The following HMCES variants were observed in gnomAD, a reference collection of about 807,000 sequenced individuals.
HMCES encodes 5-hydroxymethylcytosine binding, ES cell specific, also known as abasic site processing protein HMCES.
In HMCES, 27 loss-of-function variants were observed where a neutral mutation model predicts 35.1. The ratio of observed to expected loss-of-function variants is 0.77; its 90% CI spans 0.57 to 1.06. The LOEUF is 1.06. HMCES is among the 50% of genes least tolerant of loss of function. The pLI is 0.00. For missense variants in HMCES, 391 were observed against 430.4 expected (o/e 0.91, Z 0.81); for synonymous variants, 130 against 154.7 (o/e 0.84, Z 1.18).
chr3:129,286,937 C>T (rs569596390), intron 2 of HMCES, among the ~76,000 whole-genome samples: 27 of 152,280 alleles, frequency 1.8e-4, no homozygotes, highest in African/African-American at 6.0e-4. Flanking sequence ...GTTTGACAAC[C>T]ATGCGTTGGG....
Position 129,279,939 on chromosome 3 carries a change from GC to G in HMCES, c.183+28del, listed in dbSNP as rs763405338. On this transcript the variant is annotated intron_variant, in intron 2 of 6. Coordinates refer to ENST00000383463, the MANE Select transcript of HMCES (RefSeq NM_020187.3). This position sits in a 1 kb window ranked among gnomAD's most constrained non-coding sequence, Gnocchi z 4.2. The stretch of plus-strand genomic sequence containing the variant: ...AGGTAACCAGCATTGCACTATGCTA[GC>G]CCCTCGCCCAGCCTCGTGATGGTCA... 4 of 1,520,858 alleles carry G rather than the reference GC, an allele frequency of 2.6e-6. No individual in the cohort carries two copies. The African/African-American group carries it at 5.6e-5, about 21-fold the overall frequency. 94.2% of individuals were successfully genotyped at this position (1,520,858 alleles called of 1,614,324 possible). A position where few individuals can be genotyped will look rare whatever the true frequency, so the allele number is the denominator to read the frequency against.
chr3:129,304,495 T>C, intron 6 of HMCES, 94 bp from the exon 7 acceptor site: 1 of 1,032,310 alleles, frequency 9.7e-7, no homozygotes, highest in Non-Finnish European at 1.5e-6. Flanking sequence ...CCTGGGTAAG[T>C]ACCTAATGCC....
intron 2 of HMCES, among the ~76,000 whole-genome samples, chr3:129,284,731 A>T (rs187658305): frequency 7.2e-5 from 11 of 152,296 alleles, no homozygotes; most frequent in African/African-American, 2.6e-4. Flanking sequence ...TAACCAACAT[A>T]GTGAAACCCT....
intron 6 of HMCES, 114 bp from the exon 7 acceptor site, chr3:129,304,475 A>G (rs1330775523): frequency 4.5e-6 from 4 of 890,036 alleles, no homozygotes; most frequent in Non-Finnish European, 7.2e-6. Context: ...CCTTAGTAAC[A>G]TTTTCCAAGC....
Position 129,304,598 on chromosome 3 carries a change from G to A in HMCES, c.838G>A (p.Ala280Thr). ...TTCCTCTTTCTTGTAGGAGCTCAGGGCAAGTGGCAGTAGCCAGAGGATGTT... is the reference window on the plus strand; with the variant it reads ...TTCCTCTTTCTTGTAGGAGCTCAGGACAAGTGGCAGTAGCCAGAGGATGTT... ...VDLVVKKELRASGSSQRMLQW... is the reference protein window; with the variant it reads ...VDLVVKKELRTSGSSQRMLQW... Residue 280 changes from alanine (A) to threonine (T), a missense_variant, in exon 7 of 7, where the codon GCA becomes ACA. Physicochemically the swap from Ala to Thr is moderately conservative, Grantham distance 58. Transcript: ENST00000383463. 1 of 1,614,036 alleles carries A rather than the reference G, an allele frequency of 6.2e-7. No homozygotes were observed. The highest frequency in any genetic ancestry group is 1.1e-5 in the South Asian group (1 of 91,078).
Position 129,302,369 on chromosome 3 carries a change from A to C in HMCES, c.828+227A>C, listed in dbSNP as rs140432408. On this transcript the variant is annotated intron_variant, in intron 6 of 6. Transcript: ENST00000383463. ...TTTCAAAATGTAAATGCTAGACCCT[A>C]TCTAGACATCCTGAATCAACATTTA... Among the ~76,000 whole-genome samples, 45 of 152,296 alleles carry C rather than the reference A, an allele frequency of 3.0e-4. No homozygotes were observed. The East Asian group carries it at 8.5e-3, about 29-fold the overall frequency.
chr3:129,281,579 T>C (rs1469480272), intron 2 of HMCES, among the ~76,000 whole-genome samples: 1 of 151,910 alleles, frequency 6.6e-6, no homozygotes, highest in East Asian at 1.9e-4. Context: ...TAATCTCAGC[T>C]ACTTGGGAGG....
At chr3:129,300,027 C>T (rs1220246821) in intron 5 of HMCES, among the ~76,000 whole-genome samples, 2 of 151,922 alleles carry the variant, frequency 1.3e-5, no homozygotes, top group African/African-American at 4.8e-5. Context: ...GAAATAATCA[C>T]ATGTTCTCAT....
chr3:129,301,877 C>T (rs960934134), intron 5 of HMCES, 73 bp from the exon 6 acceptor site: 12 of 1,254,596 alleles, frequency 9.6e-6, no homozygotes, highest in Non-Finnish European at 1.2e-5. Context: ...TATCAGCTGA[C>T]TCAAGTCTCT....
chr3:129,290,474 G>T (rs1190275069), intron 3 of HMCES, among the ~76,000 whole-genome samples: 1 of 151,952 alleles, frequency 6.6e-6, no homozygotes, highest in Admixed American at 6.6e-5. Context: ...AGTAGAGATG[G>T]GCTTTCACCT....
At chr3:129,303,998 G>C (rs377371102) in intron 6 of HMCES, among the ~76,000 whole-genome samples, 1 of 152,030 alleles carries the variant, frequency 6.6e-6, no homozygotes, top group East Asian at 1.9e-4. Context: ...TCCCACCTCA[G>C]CCTCCCAAAG....
chr3:129,288,865 A>C lies in HMCES; in HGVS notation c.195A>C (p.Ser65=), dbSNP rs769442334. Residue 65 remains serine, a synonymous_variant, in exon 3 of 7, where the codon TCA becomes TCC. Transcript: ENST00000383463. ...SRLHFEKDAD[S]SERIIAPMRW... is the part of the protein sequence containing the mutation. ...TCTCTCCGTGGCAGGATGCAGACTCATCTGAGCGTATCATTGCTCCCATGC... is the reference window on the plus strand; with the variant it reads ...TCTCTCCGTGGCAGGATGCAGACTCCTCTGAGCGTATCATTGCTCCCATGC... The C allele has an allele frequency of 2.2e-5, 35 of 1,561,408 alleles. No homozygotes were observed. The highest frequency in any genetic ancestry group is 3.0e-5 in the Non-Finnish European group (34 of 1,140,420).
At chr3:129,281,668 G>T (rs1940488645) in intron 2 of HMCES, among the ~76,000 whole-genome samples, 1 of 151,504 alleles carries the variant, frequency 6.6e-6, no homozygotes, top group Non-Finnish European at 1.5e-5. Context: ...TCTGGCCTGG[G>T]CAACAGAGTG....
intron 2 of HMCES, among the ~76,000 whole-genome samples, chr3:129,285,603 C>T (rs1940615454): frequency 6.6e-6 from 1 of 152,138 alleles, no homozygotes; most frequent in Non-Finnish European, 1.5e-5. Flanking sequence ...AGGCACTCGC[C>T]ACCACGCCCG....
At chr3:129,282,331 ACCT>A (rs1413096585) in intron 2 of HMCES, among the ~76,000 whole-genome samples, 1 of 150,556 alleles carries the variant, frequency 6.6e-6, no homozygotes, top group Non-Finnish European at 1.5e-5. Flanking sequence ...CATTTATATG[ACCT>A]CCTTAGAATT....
In HMCES at chr3:129,279,655, TAAG is replaced by T. The variant is rs1940405748; in HGVS notation, c.-23-53_-23-51del. 2 of 1,534,028 alleles carry T rather than the reference TAAG, an allele frequency of 1.3e-6. No homozygotes were observed. Among genetic ancestry groups the T allele is most frequent in the African/African-American group, 2.8e-5 (2 of 72,692 alleles). On this transcript the variant is annotated intron_variant, in intron 1 of 6. Transcript: ENST00000383463. This position sits in a 1 kb window ranked among gnomAD's most constrained non-coding sequence, Gnocchi z 4.2. ...AAAGAGAAGGCGGGGACTCAAGGAA[TAAG>T]ACCTAATATTTGAGATACGTAAGCC...
intron 2 of HMCES, among the ~76,000 whole-genome samples, chr3:129,281,696 G>A (rs1187361635): frequency 1.3e-5 from 2 of 150,690 alleles, no homozygotes; most frequent in Non-Finnish European, 3.0e-5. Flanking sequence ...ATCTCAAAAA[G>A]AAATAAAGAT....
chr3:129,288,822 G>T, intron 2 of HMCES, 32 bp from the exon 3 acceptor site: 1 of 1,426,566 alleles, frequency 7.0e-7, no homozygotes, highest in Non-Finnish European at 9.4e-7. Context: ...ATTTCATTAT[G>T]ATCTCCTCAC....
In HMCES at chr3:129,289,135, A is replaced by T. The variant is rs1231502806; in HGVS notation, c.327+138A>T. 7.3e-6 allele frequency: 5 copies of T among 685,296 alleles called. No individual in the cohort carries two copies. The East Asian group carries it at 1.4e-4, about 20-fold the overall frequency. 42.5% of individuals were successfully genotyped at this position (685,296 alleles called of 1,614,324 possible). ...GAATGTTCCCAGTTGTTAATGTGGA[A>T]TGCTATTTTGTTACTACATAACAAA... On this transcript the variant is annotated intron_variant, in intron 3 of 6. Transcript: ENST00000383463.
Sources: gnomAD v4.1 joint callset for allele counts (sites outside exome capture counted in the v4.1 genomes callset) on GRCh38, gnomAD v4.1.1 for gene constraint, Gnocchi (gnomAD v3.1) non-coding constraint, MANE v1.5 for transcripts, NCBI Gene and HGNC (gene_info 2026-07-23, HGNC 2026-07-21) for gene names.